Variants in NME7 observed in about 807,000 individuals in gnomAD.
The protein encoded by NME7 is NME/NM23 family member 7.
A neutral mutation model predicts 49.1 loss-of-function variants in NME7; 41 were observed. That is an observed-to-expected ratio of 0.83 (90% CI 0.65 to 1.08). The LOEUF (loss-of-function observed/expected upper bound fraction) is 1.08, where lower values mean the gene tolerates loss of function less well. Among genes scored for constraint, NME7 ranks in the 50% least tolerant of loss-of-function variants. NME7 has a pLI of 0.00. For synonymous variants in NME7, 139 were observed against 150.6 expected (o/e 0.92, Z 0.56); for missense variants, 423 against 463.4 (o/e 0.91, Z 0.80).
intron 7 of NME7, among the ~76,000 whole-genome samples, chr1:169,239,464 A>G (rs1346613579): frequency 6.6e-6 from 1 of 152,042 alleles, no homozygotes; most frequent in Non-Finnish European, 1.5e-5. Context: ...ACTTTTAAGA[A>G]GAAAACAAAT....
At chr1:169,343,805 T>G (rs761678000) in intron 1 of NME7, among the ~76,000 whole-genome samples, 19 of 152,186 alleles carry the variant, frequency 1.2e-4, no homozygotes, top group Non-Finnish European at 2.2e-4. Flanking sequence ...CACATTGAAT[T>G]GATTACTGTA....
chr1:169,286,978 T>A, intron 7 of NME7: 1 of 186,164 alleles, frequency 5.4e-6, no homozygotes. Flanking sequence ...AAAGTGCTAT[T>A]GAAGTAAATT....
chr1:169,229,287 C>A lies in NME7; in HGVS notation c.990+1431G>T, dbSNP rs1647491283. 5.9e-5 allele frequency among the ~76,000 whole-genome samples: 9 copies of A among 152,182 alleles called. No individual in the cohort carries two copies. In the South Asian group the frequency reaches 1.7e-3, roughly 28 times the overall value. On this transcript the variant is annotated intron_variant, in intron 10 of 11. Coordinates refer to ENST00000367811, the MANE Select transcript of NME7 (RefSeq NM_013330.5). ...TTCCCACTGAAGTCAAGAAAATATT[C>A]TTGCTGTATACCACAGTAAATTTGC...
In NME7 at chr1:169,278,939, T is replaced by C. The variant is rs544378638; in HGVS notation, c.754+8364A>G. ...CCGCTGCAGGTCTGTTGGAGTTTGC[T>C]AGAGGTCCACTCCAGACCCTGTTTG... On this transcript the variant is annotated intron_variant, in intron 7 of 11. Coordinates refer to ENST00000367811, the MANE Select transcript of NME7 (RefSeq NM_013330.5). Among the ~76,000 whole-genome samples, 24 of 152,330 alleles carry C rather than the reference T, an allele frequency of 1.6e-4. No individual in the cohort carries two copies. In the South Asian group the frequency reaches 1.7e-3, roughly 11 times the overall value.
intron 7 of NME7, among the ~76,000 whole-genome samples, chr1:169,249,982 G>A (rs961640250): frequency 6.6e-6 from 1 of 151,996 alleles, no homozygotes; most frequent in Admixed American, 6.6e-5. Context: ...AATGATACTG[G>A]CTTCATAGAA....
chr1:169,263,289 T>A (rs1649220842), intron 7 of NME7, among the ~76,000 whole-genome samples: 1 of 133,684 alleles, frequency 7.5e-6, no homozygotes, highest in Non-Finnish European at 1.8e-5. Flanking sequence ...GAATTCAGAA[T>A]GTGGATAGGA....
chr1:169,137,691 AG>A (rs1160440102), intron 11 of NME7, among the ~76,000 whole-genome samples: 1 of 152,168 alleles, frequency 6.6e-6, no homozygotes, highest in Non-Finnish European at 1.5e-5. Context: ...TCCCTCTCCA[AG>A]GCACTACTTA....
At chr1:169,232,560 G>T (rs1479141643) in intron 9 of NME7, among the ~76,000 whole-genome samples, 1 of 151,814 alleles carries the variant, frequency 6.6e-6, no homozygotes, top group Non-Finnish European at 1.5e-5. Context: ...GGGTGTTGGG[G>T]GGGGGGCAGG....
chr1:169,175,746 T>C (rs186649837), intron 10 of NME7, among the ~76,000 whole-genome samples: 1 of 87,480 alleles, frequency 1.1e-5, no homozygotes, highest in African/African-American at 3.2e-5. Context: ...GAAAAAAATA[T>C]TCTCTGGACT....
At chr1:169,275,206 CG>C (rs1558017488) in intron 7 of NME7, among the ~76,000 whole-genome samples, 2 of 131,660 alleles carry the variant, frequency 1.5e-5, no homozygotes, top group African/African-American at 5.1e-5. Flanking sequence ...CGGATTCCTA[CG>C]TATTTTATTC....
intron 10 of NME7, among the ~76,000 whole-genome samples, chr1:169,212,195 A>C (rs1660844365): frequency 6.6e-6 from 1 of 152,188 alleles, no homozygotes; most frequent in African/African-American, 2.4e-5. Context: ...ATATTTTATT[A>C]AATGAAAATA....
chr1:169,272,113 CTAA>C lies in NME7; in HGVS notation c.754+15187_754+15189del, dbSNP rs536908376. 3.8e-4 allele frequency among the ~76,000 whole-genome samples: 50 copies of C among 131,062 alleles called. 2 individuals carry two copies. Among genetic ancestry groups the C allele is most frequent in the African/African-American group, 1.2e-3 (47 of 39,220 alleles). The allele number at this position is 131,062 out of a possible 152,430, so 86.0% of individuals were successfully genotyped here. On this transcript the variant is annotated intron_variant, in intron 7 of 11. Coordinates refer to ENST00000367811, the MANE Select transcript of NME7 (RefSeq NM_013330.5). Reference sequence around the variant, plus strand: ...CTTTGCCTTAATTAAGTTATATGACCTAATGTTATATATCAAATATAAATATAT... The same window carrying C: ...CTTTGCCTTAATTAAGTTATATGACCTGTTATATATCAAATATAAATATAT...
rs1233720312 is a variant in NME7, at chr1:169,256,390, C to T, written c.755-18703G>A. On this transcript the variant is annotated intron_variant, in intron 7 of 11. Coordinates refer to ENST00000367811, the MANE Select transcript of NME7 (RefSeq NM_013330.5). ...AGGCTTCTGCGTTCTTCACGTAGTTCTCGAGCCTTGGTTTTCAGCTCCATC... is the reference window on the plus strand; with the variant it reads ...AGGCTTCTGCGTTCTTCACGTAGTTTTCGAGCCTTGGTTTTCAGCTCCATC... Among the ~76,000 whole-genome samples, 7 of 134,228 alleles carry T rather than the reference C, an allele frequency of 5.2e-5. 2 individuals are homozygous for T. Among genetic ancestry groups the T allele is most frequent in the Admixed American group, 5.1e-4 (7 of 13,734 alleles). The allele number at this position is 134,228 out of a possible 152,430, so 88.1% of individuals were successfully genotyped here.
At chr1:169,140,314 G>C (rs1341201726) in intron 11 of NME7, among the ~76,000 whole-genome samples, 1 of 152,060 alleles carries the variant, frequency 6.6e-6, no homozygotes, top group African/African-American at 2.4e-5. Flanking sequence ...TACTAGATTT[G>C]GAGTTGGAAG....
intron 10 of NME7, among the ~76,000 whole-genome samples, chr1:169,186,506 T>C (rs1259838631): frequency 6.6e-6 from 1 of 152,236 alleles, no homozygotes; most frequent in Non-Finnish European, 1.5e-5. Flanking sequence ...GGTGTATGTG[T>C]CCAGGAATTT....
intron 1 of NME7, among the ~76,000 whole-genome samples, chr1:169,363,927 C>T (rs933280319): frequency 6.6e-6 from 1 of 152,190 alleles, no homozygotes; most frequent in African/African-American, 2.4e-5. Context: ...TAATGTAAGA[C>T]AGGCAAAAAC....
At chr1:169,361,694 T>G (rs1156884241) in intron 1 of NME7, among the ~76,000 whole-genome samples, 1 of 151,020 alleles carries the variant, frequency 6.6e-6, no homozygotes. Flanking sequence ...GCACAAGAAT[T>G]GCTTGAACCC....
intron 4 of NME7, among the ~76,000 whole-genome samples, chr1:169,309,732 G>T (rs930642403): frequency 6.6e-6 from 1 of 151,738 alleles, no homozygotes; most frequent in African/African-American, 2.4e-5. Context: ...ACTCACTTTC[G>T]GTTTTGTATA....
chr1:169,239,912 T>G (rs1022461710), intron 7 of NME7, among the ~76,000 whole-genome samples: 3 of 152,044 alleles, frequency 2.0e-5, no homozygotes, highest in Non-Finnish European at 4.4e-5. Context: ...GCAGAAGCCA[T>G]GATAGAAGGA....
Sources: allele counts gnomAD v4.1 joint callset (sites outside exome capture counted in the v4.1 genomes callset), GRCh38; gene constraint gnomAD v4.1.1; transcripts MANE v1.5; gene names NCBI Gene and HGNC (gene_info 2026-07-23, HGNC 2026-07-21).